Variants in SENP7 observed in about 807,000 individuals in gnomAD.
The protein encoded by SENP7 is sentrin-specific protease 7.
Under a neutral mutation model 141.2 loss-of-function variants are expected in SENP7, and 64 were observed. The ratio of observed to expected loss-of-function variants is 0.45; its 90% CI spans 0.37 to 0.56. SENP7 has a LOEUF of 0.56. Ranked by LOEUF, SENP7 falls within the 20% of genes least tolerant of loss-of-function variation. SENP7 has a pLI of 0.00. For missense variants in SENP7, 1,025 were observed against 1,212.2 expected (o/e 0.85, Z 2.29); for synonymous variants, 382 against 426.4 (o/e 0.90, Z 1.28).
At chr3:101,342,954 C>T (rs531974670) in intron 14 of SENP7, among the ~76,000 whole-genome samples, 1 of 152,282 alleles carries the variant, frequency 6.6e-6, no homozygotes, top group East Asian at 1.9e-4. Context: ...GTGTAAGCCA[C>T]TGCGTCCGGC....
At chr3:101,493,622 T>C (rs1401599372) in intron 3 of SENP7, among the ~76,000 whole-genome samples, 1 of 125,630 alleles carries the variant, frequency 8.0e-6, no homozygotes, top group Non-Finnish European at 1.8e-5. Flanking sequence ...ACAGAATTTA[T>C]TTTACAATAA....
intron 6 of SENP7, among the ~76,000 whole-genome samples, chr3:101,391,324 T>A: frequency 7.5e-6 from 1 of 133,324 alleles, no homozygotes; most frequent in Non-Finnish European, 1.6e-5. Flanking sequence ...CAAACAAAAA[T>A]CACTGGCTAC....
At chr3:101,361,510 G>C (rs1327260075) in intron 11 of SENP7, among the ~76,000 whole-genome samples, 1 of 151,894 alleles carries the variant, frequency 6.6e-6, no homozygotes, top group African/African-American at 2.4e-5. Flanking sequence ...ATTTTCATTA[G>C]AGTAGTCAGA....
intron 5 of SENP7, among the ~76,000 whole-genome samples, chr3:101,412,728 C>T (rs779777497): frequency 3.9e-5 from 6 of 152,002 alleles, no homozygotes; most frequent in African/African-American, 7.2e-5. Context: ...TCTCAAAAGC[C>T]TTGTATAAGT....
chr3:101,352,831 A>C (rs2107281904), intron 11 of SENP7, among the ~76,000 whole-genome samples: 1 of 152,112 alleles, frequency 6.6e-6, no homozygotes, highest in East Asian at 1.9e-4. Context: ...CTTATTTTCC[A>C]ATTTAAAAAT....
At chr3:101,391,768 A>G (rs62280674) in intron 6 of SENP7, among the ~76,000 whole-genome samples, 20,963 of 152,128 alleles carry the variant, frequency 0.14, 1,472 homozygotes, top group South Asian at 0.18. Context: ...TAACAAAACT[A>G]TACAAGGACA....
Position 101,463,390 on chromosome 3 carries a change from T to C in SENP7, c.187-4338A>G, listed in dbSNP as rs1275532448. Among the ~76,000 whole-genome samples, 647 of 93,292 alleles carry C rather than the reference T, an allele frequency of 6.9e-3. 6 individuals are homozygous for C. Among genetic ancestry groups the C allele is most frequent in the South Asian group, 0.015 (44 of 2,920 alleles). The allele number at this position is 93,292 out of a possible 152,430, so 61.2% of individuals were successfully genotyped here. A position where few individuals can be genotyped will look rare whatever the true frequency, so the allele number is the denominator to read the frequency against. ...ATATATATATATATATATATATATATATATATACATATATATATATATATA... is the reference window on the plus strand; with the variant it reads ...ATATATATATATATATATATATATACATATATACATATATATATATATATA... On this transcript the variant is annotated intron_variant, in intron 3 of 23. Transcript: ENST00000394095.
chr3:101,356,676 C>G (rs2059751547), intron 11 of SENP7, among the ~76,000 whole-genome samples: 1 of 151,332 alleles, frequency 6.6e-6, no homozygotes, highest in Non-Finnish European at 1.5e-5. Context: ...ACTGCATCGG[C>G]AAAAATATAT....
chr3:101,490,758 T>C (rs1416513638), intron 3 of SENP7, among the ~76,000 whole-genome samples: 1 of 152,142 alleles, frequency 6.6e-6, no homozygotes, highest in Non-Finnish European at 1.5e-5. Flanking sequence ...GAAAGGGGCA[T>C]TTATTCCTTT....
intron 2 of SENP7, among the ~76,000 whole-genome samples, chr3:101,495,166 T>C (rs772169491): frequency 1.3e-5 from 2 of 152,086 alleles, no homozygotes; most frequent in Admixed American, 1.3e-4. Flanking sequence ...ACATCACTGA[T>C]CATTAGAGAA....
At chr3:101,426,864 A>G (rs1559807205) in intron 4 of SENP7, among the ~76,000 whole-genome samples, 1 of 152,180 alleles carries the variant, frequency 6.6e-6, no homozygotes, top group Non-Finnish European at 1.5e-5. Flanking sequence ...TGAAAGAAGC[A>G]CTAAATATGG....
chr3:101,382,178 T>C (rs115042808), intron 6 of SENP7, among the ~76,000 whole-genome samples: 106 of 152,328 alleles, frequency 7.0e-4, no homozygotes, highest in Non-Finnish European at 4.7e-4. Flanking sequence ...ATATTTTTCT[T>C]CTTTTTTTTA....
chr3:101,373,151 G>A (rs1429542421), intron 6 of SENP7, among the ~76,000 whole-genome samples: 5 of 151,918 alleles, frequency 3.3e-5, no homozygotes, highest in Non-Finnish European at 4.4e-5. Context: ...GGTTATTGCT[G>A]CTATTACACT....
rs78808902 is a variant in SENP7, at chr3:101,336,384, T to C, written c.2480+1125A>G. On this transcript the variant is annotated intron_variant, in intron 17 of 23. Transcript: ENST00000394095. ...TTTAACGAGATGAAACAAACTCTCA[T>C]AGCCATTTTTTAAAGCAATCTAGTA... is the stretch of plus-strand genomic sequence containing the variant. 5.5e-3 allele frequency among the ~76,000 whole-genome samples: 840 copies of C among 152,268 alleles called. 9 individuals are homozygous for C. Among genetic ancestry groups the C allele is most frequent in the African/African-American group, 0.019 (785 of 41,560 alleles).
intron 1 of SENP7, among the ~76,000 whole-genome samples, chr3:101,505,010 G>C (rs958215155): frequency 9.2e-5 from 14 of 151,934 alleles, no homozygotes; most frequent in African/African-American, 3.4e-4. Context: ...GGCTGCAGTG[G>C]GCCGTTTTTG....
intron 14 of SENP7, 23 bp downstream of exon 14, chr3:101,343,663 A>G: frequency 6.3e-7 from 1 of 1,582,140 alleles, no homozygotes; most frequent in Non-Finnish European, 8.6e-7. Flanking sequence ...CTTCTCTGCC[A>G]ATTATATTAA....
chr3:101,370,895 G>T (rs2060160694), intron 7 of SENP7, among the ~76,000 whole-genome samples: 1 of 152,104 alleles, frequency 6.6e-6, no homozygotes, highest in South Asian at 2.1e-4. Flanking sequence ...CTACTAAAAA[G>T]AATCTTTAAA....
intron 3 of SENP7, among the ~76,000 whole-genome samples, chr3:101,488,009 G>A (rs934684570): frequency 6.6e-6 from 1 of 152,142 alleles, no homozygotes; most frequent in Admixed American, 6.5e-5. Context: ...GACATTGATA[G>A]TATGATAGGA....
At chr3:101,352,335 A>G (rs1326003580) in intron 11 of SENP7, among the ~76,000 whole-genome samples, 1 of 152,064 alleles carries the variant, frequency 6.6e-6, no homozygotes, top group Non-Finnish European at 1.5e-5. Flanking sequence ...TCAAAATGGT[A>G]ATATAAATTA....
Sources: gnomAD v4.1 joint callset for allele counts (sites outside exome capture counted in the v4.1 genomes callset) on GRCh38, gnomAD v4.1.1 for gene constraint, MANE v1.5 for transcripts, NCBI Gene and HGNC (gene_info 2026-07-23, HGNC 2026-07-21) for gene names.